The following RANBP2 variants were observed in gnomAD, a reference collection of about 807,000 sequenced individuals.
RANBP2 encodes the protein E3 SUMO-protein ligase RanBP2.
A neutral mutation model predicts 303.6 loss-of-function variants in RANBP2; 57 were observed. That is an observed-to-expected ratio of 0.19 (90% CI 0.15 to 0.23). The LOEUF is 0.23. RANBP2 is among the 10% of genes least tolerant of loss of function. The pLI is 1.00. For synonymous variants in RANBP2, 1,167 were observed against 1,301.5 expected, an observed-to-expected ratio of 0.90 and a Z score of 2.23; for missense variants, 3,138 against 3,780.8, an observed-to-expected ratio of 0.83 and a Z score of 4.46.
chr2:109,347,746 A>G, the RANBP2 span: 2 of 1,613,948 alleles, frequency 1.2e-6, no homozygotes, highest in South Asian at 2.2e-5. Flanking sequence ...CCTCAAGTTC[A>G]ACAAGGGGGA....
the RANBP2 span, among the ~76,000 whole-genome samples, chr2:109,609,044 T>G: frequency 6.6e-6 from 1 of 152,280 alleles, no homozygotes; most frequent in South Asian, 2.1e-4. Context: ...CAGACCAAAA[T>G]ATATCAATCA....
At chr2:109,687,332 C>A in the RANBP2 span, among the ~76,000 whole-genome samples, 3 of 152,250 alleles carry the variant, frequency 2.0e-5, no homozygotes, top group South Asian at 6.2e-4. Flanking sequence ...TTGATAGTCC[C>A]CATTTGATTT....
At chr2:109,412,030 C>G in the RANBP2 span, among the ~76,000 whole-genome samples, 1 of 152,190 alleles carries the variant, frequency 6.6e-6, no homozygotes, top group Admixed American at 6.5e-5. Context: ...CTGTCCACAC[C>G]TCAGGTTCCT....
chr2:109,161,619 G>T, the RANBP2 span, among the ~76,000 whole-genome samples: 2 of 152,030 alleles, frequency 1.3e-5, no homozygotes, highest in African/African-American at 4.8e-5. Context: ...CTGGAAGACT[G>T]GGCAACTGGC....
chr2:108,999,984 C>A, the RANBP2 span, among the ~76,000 whole-genome samples: 1 of 152,174 alleles, frequency 6.6e-6, no homozygotes, highest in Non-Finnish European at 1.5e-5. Context: ...AAATGACGAC[C>A]TGCTCTCAAA....
chr2:109,410,808 C>G, the RANBP2 span, among the ~76,000 whole-genome samples: 1 of 152,050 alleles, frequency 6.6e-6, no homozygotes, highest in Non-Finnish European at 1.5e-5. Context: ...GGCGCGACTT[C>G]GTGGGAGACA....
the RANBP2 span, among the ~76,000 whole-genome samples, chr2:109,718,402 T>G: frequency 6.6e-6 from 1 of 152,190 alleles, no homozygotes; most frequent in Non-Finnish European, 1.5e-5. Flanking sequence ...AATGAAGTAC[T>G]AATACATGCT....
the RANBP2 span, among the ~76,000 whole-genome samples, chr2:109,292,537 C>A: frequency 6.6e-6 from 1 of 152,122 alleles, no homozygotes; most frequent in Non-Finnish European, 1.5e-5. Context: ...TTAGCTTGTT[C>A]CAGTTTTTCT....
the RANBP2 span, among the ~76,000 whole-genome samples, chr2:109,331,030 G>T: frequency 1.3e-5 from 2 of 152,338 alleles, no homozygotes; most frequent in African/African-American, 4.8e-5. Context: ...TGGAGTTACT[G>T]TAGTATCTGT....
At chr2:109,001,338 C>T in the RANBP2 span, among the ~76,000 whole-genome samples, 8 of 152,200 alleles carry the variant, frequency 5.3e-5, no homozygotes, top group African/African-American at 1.9e-4. Flanking sequence ...GGAAATGGCT[C>T]GTCCAGGACA....
chr2:109,079,139 C>T, the RANBP2 span, among the ~76,000 whole-genome samples: 1 of 152,122 alleles, frequency 6.6e-6, no homozygotes, highest in South Asian at 2.1e-4. Flanking sequence ...CTGCCTCTGC[C>T]AGCAAGGCCA....
At chr2:108,860,555 A>C in the RANBP2 span, among the ~76,000 whole-genome samples, 16 of 150,792 alleles carry the variant, frequency 1.1e-4, no homozygotes, top group Admixed American at 7.3e-4. Context: ...ATTTTATCTC[A>C]TGTTTTTTCT....
At chr2:108,887,976 T>C in the RANBP2 span, among the ~76,000 whole-genome samples, 1 of 152,166 alleles carries the variant, frequency 6.6e-6, no homozygotes, top group East Asian at 1.9e-4. Context: ...TTAGCTTTTC[T>C]TCATTCAGTA....
chr2:109,399,416 A>G, the RANBP2 span, among the ~76,000 whole-genome samples: 1 of 151,876 alleles, frequency 6.6e-6, no homozygotes, highest in African/African-American at 2.4e-5. Flanking sequence ...GTTTCTACAG[A>G]TACCTTCTAT....
At chr2:109,189,969 G>C in the RANBP2 span, among the ~76,000 whole-genome samples, 5 of 152,182 alleles carry the variant, frequency 3.3e-5, no homozygotes, top group Non-Finnish European at 5.9e-5. Context: ...TGTTCCCCTG[G>C]TGTTTCTCTA....
chr2:108,794,458 A>G, the RANBP2 span: 495 of 1,227,142 alleles, frequency 4.0e-4, 4 homozygotes, highest in African/African-American at 6.7e-3. Context: ...TACTTAAAGC[A>G]TCTCTTCCTA....
the RANBP2 span, among the ~76,000 whole-genome samples, chr2:109,719,463 A>G: frequency 4.1e-5 from 6 of 147,200 alleles, no homozygotes; most frequent in South Asian, 1.3e-3. Flanking sequence ...CTGGAGTGCA[A>G]TGGTGGGATC....
At chr2:109,415,640 G>A in the RANBP2 span, among the ~76,000 whole-genome samples, 9 of 152,112 alleles carry the variant, frequency 5.9e-5, no homozygotes, top group East Asian at 1.9e-4. Flanking sequence ...CTCCAGGGAC[G>A]CCGTGCCCTC....
the RANBP2 span, among the ~76,000 whole-genome samples, chr2:108,926,244 T>C: frequency 6.6e-6 from 1 of 152,162 alleles, no homozygotes; most frequent in African/African-American, 2.4e-5. Context: ...GGTCCCTTCG[T>C]CTTTCTGGAA....
Sources: gnomAD v4.1 joint callset for allele counts (sites outside exome capture counted in the v4.1 genomes callset) on GRCh38, gnomAD v4.1.1 for gene constraint, MANE v1.5 for transcripts, NCBI Gene and HGNC (gene_info 2026-07-23, HGNC 2026-07-21) for gene names.